SLCO3A1: variants seen among roughly 807,000 people sequenced by gnomAD.
SLCO3A1 encodes PGE1 transporter.
Under a neutral mutation model 63.1 loss-of-function variants are expected in SLCO3A1, and 27 were observed. That is an observed-to-expected ratio of 0.43 (90% CI 0.32 to 0.59). SLCO3A1 has a LOEUF of 0.59. Ranked by LOEUF, SLCO3A1 falls within the 20% of genes least tolerant of loss-of-function variation. The probability of loss-of-function intolerance (pLI) is 0.09; values close to 1 mark genes in which losing one functional copy is unlikely to be tolerated. For synonymous variants in SLCO3A1, 473 were observed against 409.9 expected (o/e 1.15, Z -1.86); for missense variants, 773 against 945.8 (o/e 0.82, Z 2.40).
Position 92,150,932 on chromosome 15 carries a change from T to TC in SLCO3A1, c.1689-17dup. The TC allele has an allele frequency of 2.5e-6, 4 of 1,593,052 alleles. No individual in the cohort carries two copies. The South Asian group carries it at 3.5e-5, about 14-fold the overall frequency. On this transcript the variant is annotated splice_polypyrimidine_tract_variant and intron_variant, in intron 8 of 9. Transcript: ENST00000318445. ...TAAAAATCTGGTTTTTTTTTTCTCT[T>TC]CATCTCTTTGCACGTAGGACAGTCA...
At chr15:92,070,422 C>T (rs997832152) in intron 2 of SLCO3A1, among the ~76,000 whole-genome samples, 2 of 152,196 alleles carry the variant, frequency 1.3e-5, no homozygotes, top group Non-Finnish European at 2.9e-5. Context: ...GTGGGCAGAT[C>T]ACCTGAGGTT....
intron 2 of SLCO3A1, among the ~76,000 whole-genome samples, chr15:92,024,127 G>T (rs2046542413): frequency 6.6e-6 from 1 of 152,174 alleles, no homozygotes; most frequent in African/African-American, 2.4e-5. Context: ...CAAAACTGTG[G>T]ACATAGCACA....
chr15:92,107,899 C>T (rs982955185), intron 4 of SLCO3A1, among the ~76,000 whole-genome samples: 1 of 152,228 alleles, frequency 6.6e-6, no homozygotes, highest in South Asian at 2.1e-4. Context: ...CTCCTCTCAG[C>T]TTTCACATAT....
At chr15:91,945,601 C>T (rs1899779387) in intron 2 of SLCO3A1, among the ~76,000 whole-genome samples, 1 of 152,214 alleles carries the variant, frequency 6.6e-6, no homozygotes, top group Non-Finnish European at 1.5e-5. Context: ...GCCAAAATAA[C>T]ACCCCAGGGG....
chr15:92,106,544 A>G (rs1239424402), intron 4 of SLCO3A1, among the ~76,000 whole-genome samples: 1 of 152,134 alleles, frequency 6.6e-6, no homozygotes, highest in Non-Finnish European at 1.5e-5. Flanking sequence ...GCCATGGGCG[A>G]CTACAGTATT....
At chr15:91,957,626 C>A (rs1900288050) in intron 2 of SLCO3A1, among the ~76,000 whole-genome samples, 1 of 152,136 alleles carries the variant, frequency 6.6e-6, no homozygotes, top group Non-Finnish European at 1.5e-5. Flanking sequence ...GGCTCTCCTT[C>A]ATTTGGTTCA....
At chr15:92,140,222 C>A (rs1196954813) in intron 7 of SLCO3A1, among the ~76,000 whole-genome samples, 3 of 131,898 alleles carry the variant, frequency 2.3e-5, no homozygotes, top group Non-Finnish European at 4.8e-5. Flanking sequence ...TTTCTGCCTT[C>A]ATTTCGTTAT....
In SLCO3A1 at chr15:92,162,613, C is replaced by T. The variant is rs539893772; in HGVS notation, c.1754-143C>T. ...GGCAGAACTGGGACACAAACTCATG[C>T]GCTTTGCCTCCTGAGCATGTCTTTG... On this transcript the variant is annotated intron_variant, in intron 9 of 9. Transcript: ENST00000318445. 35 of 1,327,416 alleles carry T rather than the reference C, an allele frequency of 2.6e-5. No individual in the cohort carries two copies. In the South Asian group the frequency reaches 2.7e-4, roughly 10 times the overall value. The allele number at this position is 1,327,416 out of a possible 1,614,324, so 82.2% of individuals were successfully genotyped here.
At chr15:91,952,772 C>T (rs1433761199) in intron 2 of SLCO3A1, among the ~76,000 whole-genome samples, 1 of 152,168 alleles carries the variant, frequency 6.6e-6, no homozygotes, top group Non-Finnish European at 1.5e-5. Context: ...TGTCACATAT[C>T]GATTCTGTCT....
Position 92,158,778 on chromosome 15 carries a change from G to A in SLCO3A1, c.1754-3978G>A, listed in dbSNP as rs563911774. Among the ~76,000 whole-genome samples, 4 of 152,324 alleles carry A rather than the reference G, an allele frequency of 2.6e-5. No individual in the cohort carries two copies. The East Asian group carries it at 5.8e-4, about 22-fold the overall frequency. The stretch of plus-strand genomic sequence containing the variant: ...CTAACAAAAAAGATGCAGTCCGTTC[G>A]TCTCTGGTATTGTCCGCACACCTGC... On this transcript the variant is annotated intron_variant, in intron 9 of 9. Transcript: ENST00000318445.
downstream of SLCO3A1, chr15:92,166,043 GTTTTGTT>G (rs1450093093): frequency 5.4e-6 from 2 of 370,040 alleles, no homozygotes; most frequent in South Asian, 1.1e-4. Context: ...TTTGGGTTTT[GTTTTGTT>G]TTTTGTTTTG....
chr15:92,157,898 A>T (rs533838899), intron 9 of SLCO3A1, among the ~76,000 whole-genome samples: 5 of 152,288 alleles, frequency 3.3e-5, no homozygotes, highest in African/African-American at 1.2e-4. Context: ...TGAAACTGAG[A>T]TTCACTCAAG....
At chr15:92,080,613 C>T (rs953563749) in intron 2 of SLCO3A1, among the ~76,000 whole-genome samples, 6 of 152,206 alleles carry the variant, frequency 3.9e-5, no homozygotes, top group Non-Finnish European at 7.3e-5. Context: ...CCAGCATAAG[C>T]AAGGCCCATG....
chr15:91,972,657 G>A (rs184254522), intron 2 of SLCO3A1, among the ~76,000 whole-genome samples: 28 of 152,328 alleles, frequency 1.8e-4, no homozygotes, highest in Middle Eastern at 3.4e-3. Context: ...TCGATCTTCA[G>A]TACGGTGGAT....
intron 2 of SLCO3A1, among the ~76,000 whole-genome samples, chr15:92,069,856 C>T (rs957307836): frequency 6.6e-6 from 1 of 152,170 alleles, no homozygotes; most frequent in Non-Finnish European, 1.5e-5. Flanking sequence ...CTTCCTGGTT[C>T]CTTTCTTGCC....
chr15:92,146,112 G>T (rs751879863), intron 7 of SLCO3A1, among the ~76,000 whole-genome samples: 5 of 152,160 alleles, frequency 3.3e-5, no homozygotes, highest in Non-Finnish European at 7.4e-5. Context: ...AATCATTTAT[G>T]ATTGTTTTCA....
chr15:91,897,216 A>G lies in SLCO3A1; in HGVS notation c.181-18777A>G, dbSNP rs1333226389. Among the ~76,000 whole-genome samples, 2 of 152,132 alleles carry G rather than the reference A, an allele frequency of 1.3e-5. No homozygotes were observed. The highest frequency in any genetic ancestry group is 6.5e-5 in the Admixed American group (1 of 15,272). On this transcript the variant is annotated intron_variant, in intron 1 of 9. Transcript: ENST00000318445. This position sits in a 1 kb window ranked among gnomAD's most constrained non-coding sequence, Gnocchi z 4.7. ...ACGCCTGTAATCCCAGTACTTTGAGAGGCTGAGGTGGGCAGATCAGGAGTT... is the reference window on the plus strand; with the variant it reads ...ACGCCTGTAATCCCAGTACTTTGAGGGGCTGAGGTGGGCAGATCAGGAGTT...
chr15:92,135,427 G>A, intron 7 of SLCO3A1, among the ~76,000 whole-genome samples: 1 of 152,144 alleles, frequency 6.6e-6, no homozygotes, highest in East Asian at 1.9e-4. Context: ...TTTCTCCCTG[G>A]CCATTATTCT....
chr15:92,154,720 T>C (rs1175308419), intron 9 of SLCO3A1, among the ~76,000 whole-genome samples: 1 of 148,952 alleles, frequency 6.7e-6, no homozygotes, highest in Admixed American at 6.7e-5. Context: ...GCTGCAGAGG[T>C]GTACTGGTCA....
Sources: allele counts gnomAD v4.1 joint callset (sites outside exome capture counted in the v4.1 genomes callset), GRCh38; gene constraint gnomAD v4.1.1; non-coding constraint Gnocchi (gnomAD v3.1); transcripts MANE v1.5; gene names NCBI Gene and HGNC (gene_info 2026-07-23, HGNC 2026-07-21).